NUP88: variants seen among roughly 807,000 people sequenced by gnomAD.
The protein encoded by NUP88 is nuclear pore complex protein Nup88.
Under a neutral mutation model 93.9 loss-of-function variants are expected in NUP88, and 57 were observed. That is an observed-to-expected ratio of 0.61 (90% CI 0.49 to 0.76). The LOEUF is 0.76. Ranked by LOEUF, NUP88 falls within the 30% of genes least tolerant of loss-of-function variation. The probability of loss-of-function intolerance (pLI) is 0.00; values close to 1 mark genes in which losing one functional copy is unlikely to be tolerated. For missense variants in NUP88, 911 were observed against 901.0 expected, an observed-to-expected ratio of 1.01 and a Z score of -0.14; for synonymous variants, 346 against 336.8, an observed-to-expected ratio of 1.03 and a Z score of -0.30.
intron 1 of NUP88, among the ~76,000 whole-genome samples, chr17:5,418,635 A>T (rs772850955): frequency 1.3e-5 from 2 of 152,198 alleles, no homozygotes; most frequent in Non-Finnish European, 2.9e-5. Context: ...AAGCATTGCT[A>T]GCGTCTTATT....
Position 5,408,888 on chromosome 17 carries a change from T to C in NUP88, c.702A>G (p.Leu234=). ...LNKGRAYTAS[L]GETAVAFDFG... ...AGTCAAATGCAACTGCTGTCTCTCC[T>C]AGAGATGCGGTATACGCCCTTCTGG... Residue 234 remains leucine, a synonymous_variant, in exon 5 of 17, where the codon CTA becomes CTG. Transcript: ENST00000573584. 1 of 1,611,566 alleles carries C rather than the reference T, an allele frequency of 6.2e-7. No homozygotes were observed. Among genetic ancestry groups the C allele is most frequent in the Non-Finnish European group, 8.5e-7 (1 of 1,179,166 alleles).
At chr17:5,396,328 C>G (rs1398834319) in intron 8 of NUP88, among the ~76,000 whole-genome samples, 45 of 152,212 alleles carry the variant, frequency 3.0e-4, no homozygotes, top group Admixed American at 2.9e-3. Flanking sequence ...CAGACCTAGG[C>G]AACTAATCTA....
rs576541956 is a variant in NUP88, at chr17:5,393,040, C to T, written c.1383-1378G>A. Among the ~76,000 whole-genome samples, 6 of 152,188 alleles carry T rather than the reference C, an allele frequency of 3.9e-5. No homozygotes were observed. In the East Asian group the frequency reaches 1.2e-3, roughly 29 times the overall value. On this transcript the variant is annotated intron_variant, in intron 9 of 16. Transcript: ENST00000573584. ...TGATCTTGGCTCACTGCAGCCTCCA[C>T]CTCCCAGGGTCATACGATTCTCCTG... is the stretch of plus-strand genomic sequence containing the variant.
chr17:5,418,904 G>T (rs1337015497), intron 1 of NUP88, among the ~76,000 whole-genome samples: 3 of 152,182 alleles, frequency 2.0e-5, no homozygotes, highest in African/African-American at 4.8e-5. Flanking sequence ...CGTTACGGGG[G>T]TAAGAATTAA....
chr17:5,392,516 A>C (rs1212885002), intron 9 of NUP88, among the ~76,000 whole-genome samples: 1 of 152,092 alleles, frequency 6.6e-6, no homozygotes, highest in African/African-American at 2.4e-5. Flanking sequence ...GGAAGGTTGT[A>C]AACTTTAACT....
chr17:5,404,855 C>T (rs1203103054), intron 6 of NUP88, among the ~76,000 whole-genome samples: 4 of 152,164 alleles, frequency 2.6e-5, no homozygotes, highest in African/African-American at 9.7e-5. Context: ...ACTGGTGGAC[C>T]AAGTAAGTTG....
intron 3 of NUP88, among the ~76,000 whole-genome samples, chr17:5,411,883 T>G (rs1033202291): frequency 6.6e-6 from 1 of 152,206 alleles, no homozygotes; most frequent in Non-Finnish European, 1.5e-5. Context: ...AATGATAACT[T>G]GATCCATTTG....
chr17:5,404,192 C>G lies in NUP88; in HGVS notation c.1099G>C (p.Glu367Gln), dbSNP rs374723055. 8 of 1,614,070 alleles carry G rather than the reference C, an allele frequency of 5.0e-6. No homozygotes were observed. The highest frequency in any genetic ancestry group is 1.3e-5 in the African/African-American group (1 of 75,034). The change falls in exon 7 of 17, where the codon GAA becomes CAA. Residue 367 changes from glutamate to glutamine, a missense_variant. By Grantham distance (29) the Glu-to-Gln change is conservative. Coordinates refer to ENST00000573584, the MANE Select transcript of NUP88 (RefSeq NM_002532.6). ...AAAGCAAGCTCCAACTCAACACATT[C>G]AAACACATACAGAGAAGGAATGAGG... The part of the protein sequence containing the change: ...IDLIPSLYVF[E>Q]CVELELALKL...
intron 9 of NUP88, among the ~76,000 whole-genome samples, chr17:5,394,018 G>T (rs2107151): frequency 0.44 from 66,044 of 151,628 alleles, 15,087 homozygotes; most frequent in East Asian, 0.84. Context: ...ACAGGAGAGA[G>T]AGCAGATTTG....
intron 9 of NUP88, among the ~76,000 whole-genome samples, chr17:5,392,856 C>T (rs1221086975): frequency 6.6e-6 from 1 of 152,142 alleles, no homozygotes; most frequent in East Asian, 1.9e-4. Context: ...ATAGTGCGAT[C>T]ACGACTCACT....
At chr17:5,397,839 G>C (rs894714678) in intron 8 of NUP88, among the ~76,000 whole-genome samples, 3 of 121,336 alleles carry the variant, frequency 2.5e-5, no homozygotes, top group Non-Finnish European at 5.2e-5. Context: ...ATGAAAGGCT[G>C]CTAGATTTTT....
intron 1 of NUP88, among the ~76,000 whole-genome samples, chr17:5,419,107 T>G (rs2151652387): frequency 6.6e-6 from 1 of 152,322 alleles, no homozygotes; most frequent in Admixed American, 6.5e-5. Context: ...GCCCGCTTTG[T>G]TTTTCTCCAG....
intron 6 of NUP88, 125 bp from the exon 7 acceptor site, chr17:5,404,371 G>C (rs1913359217): frequency 4.7e-6 from 4 of 848,614 alleles, no homozygotes; most frequent in Non-Finnish European, 7.3e-6. Context: ...CCAGCACTTT[G>C]GGAGGCCGAG....
At chr17:5,396,167 T>C (rs1912763517) in intron 8 of NUP88, among the ~76,000 whole-genome samples, 1 of 151,968 alleles carries the variant, frequency 6.6e-6, no homozygotes, top group Non-Finnish European at 1.5e-5. Context: ...GCCAAGATCA[T>C]GCCATTGCAC....
intron 2 of NUP88, among the ~76,000 whole-genome samples, chr17:5,414,814 G>A (rs1914043130): frequency 6.6e-6 from 1 of 151,496 alleles, no homozygotes; most frequent in South Asian, 2.1e-4. Flanking sequence ...TTACCCGTGA[G>A]GCTGAGGCAG....
intron 9 of NUP88, 136 bp from the exon 10 acceptor site, chr17:5,391,798 A>T (rs1350606195): frequency 4.6e-6 from 3 of 656,284 alleles, no homozygotes; most frequent in Non-Finnish European, 8.1e-6. Context: ...CATAACCTCA[A>T]AAGTGGTGGC....
chr17:5,389,103 C>T (rs1912246798), intron 10 of NUP88, 143 bp from the exon 11 acceptor site: 5 of 615,316 alleles, frequency 8.1e-6, no homozygotes, highest in Non-Finnish European at 1.3e-5. Flanking sequence ...ATGTTTTCCA[C>T]CTTGAAAAGG....
At chr17:5,401,331 C>T (rs1049771224) in intron 7 of NUP88, among the ~76,000 whole-genome samples, 4 of 151,750 alleles carry the variant, frequency 2.6e-5, no homozygotes, top group East Asian at 1.9e-4. Flanking sequence ...TGCGGTGAGC[C>T]GAGTTGTACC....
In NUP88 at chr17:5,406,987, C is replaced by A. The variant is rs551167872; in HGVS notation, c.858-1744G>T. 1.4e-4 allele frequency among the ~76,000 whole-genome samples: 21 copies of A among 152,120 alleles called. No individual in the cohort carries two copies. The South Asian group carries it at 4.1e-3, about 30-fold the overall frequency. Reference sequence around the variant, plus strand: ...AGAAAACTTTTGGGTTTTGGGCTAACGTTACTAGGCAGATCATGGTTTGGA... The same window carrying A: ...AGAAAACTTTTGGGTTTTGGGCTAAAGTTACTAGGCAGATCATGGTTTGGA... On this transcript the variant is annotated intron_variant, in intron 5 of 16. Transcript: ENST00000573584.
Sources: allele counts gnomAD v4.1 joint callset (sites outside exome capture counted in the v4.1 genomes callset), GRCh38; gene constraint gnomAD v4.1.1; transcripts MANE v1.5; gene names NCBI Gene and HGNC (gene_info 2026-07-23, HGNC 2026-07-21).